ITK: variants seen among roughly 807,000 people sequenced by gnomAD.
ITK encodes the protein IL2 inducible T cell kinase.
In ITK, 45 loss-of-function variants were observed where a neutral mutation model predicts 87.6. The ratio of observed to expected loss-of-function variants is 0.51; its 90% CI spans 0.40 to 0.66. The LOEUF (loss-of-function observed/expected upper bound fraction) is 0.66. ITK is among the 30% of genes least tolerant of loss of function. The pLI is 0.00. For synonymous variants in ITK, 303 were observed against 273.6 expected (o/e 1.11, Z -1.06); for missense variants, 605 against 766.3 (o/e 0.79, Z 2.48).
intron 2 of ITK, among the ~76,000 whole-genome samples, chr5:157,210,048 A>C (rs998143961): frequency 6.6e-6 from 1 of 151,554 alleles, no homozygotes; most frequent in Non-Finnish European, 1.5e-5. Flanking sequence ...GCCTCAGCCT[A>C]CTGAATAGCT....
intron 3 of ITK, among the ~76,000 whole-genome samples, chr5:157,212,079 C>T (rs1450743787): frequency 2.0e-5 from 3 of 152,170 alleles, no homozygotes; most frequent in South Asian, 4.1e-4. Context: ...AGGTGAAAAT[C>T]CCAGCTCTGC....
chr5:157,187,849 G>A (rs773790368), intron 1 of ITK, among the ~76,000 whole-genome samples: 4 of 151,778 alleles, frequency 2.6e-5, no homozygotes, highest in Non-Finnish European at 4.4e-5. Context: ...GCCCAGGCTG[G>A]GGTACAGTGG....
At chr5:157,242,407 C>T (rs774098998) in intron 11 of ITK, among the ~76,000 whole-genome samples, 3 of 152,146 alleles carry the variant, frequency 2.0e-5, no homozygotes, top group Admixed American at 6.5e-5. Flanking sequence ...TTCTAGAATG[C>T]TTATTAAAAA....
At chr5:157,222,750 TAAAGAA>T in intron 5 of ITK, 107 bp from the exon 6 acceptor site, 1 of 1,003,456 alleles carries the variant, frequency 1.0e-6, no homozygotes, top group Non-Finnish European at 1.6e-6. Flanking sequence ...CTCTAACTCA[TAAAGAA>T]AGTCTACCAG....
At chr5:157,239,518 T>TC (rs2113771878) in intron 9 of ITK, among the ~76,000 whole-genome samples, 1 of 14,268 alleles carries the variant, frequency 7.0e-5, no homozygotes, top group African/African-American at 1.6e-4. Context: ...ATAAAACACA[T>TC]GTTTCTAGCA....
At chr5:157,223,968 G>A (rs1754480144) in intron 6 of ITK, among the ~76,000 whole-genome samples, 1 of 152,098 alleles carries the variant, frequency 6.6e-6, no homozygotes, top group Admixed American at 6.5e-5. Context: ...CCCTCCATTT[G>A]CCCCCACATC....
At position 157,181,111 on chromosome 5, in the gene ITK, A is replaced by T. The variant is rs1753504528; in HGVS notation, c.134A>T (p.His45Leu). The T allele has an allele frequency of 1.9e-6, 3 of 1,614,036 alleles. No individual in the cohort carries two copies. The highest frequency in any genetic ancestry group is 2.5e-6 in the Non-Finnish European group (3 of 1,179,872). Residue 45 changes from histidine to leucine, a missense_variant, in exon 1 of 17, where the codon CAT becomes CTT. His to Leu is a moderately conservative substitution (Grantham distance 99). Coordinates refer to ENST00000422843, the MANE Select transcript of ITK (RefSeq NM_005546.4). ...AGCCTGGCATACTTTGAAGATCGTC[A>T]TGGGGTATGTGAGCAGTTTCATTTG... The part of the protein sequence containing the change: ...KASLAYFEDR[H>L]GKKRTLKGSI...
intron 16 of ITK, among the ~76,000 whole-genome samples, chr5:157,251,012 A>G (rs1755130328): frequency 6.6e-6 from 1 of 152,216 alleles, no homozygotes; most frequent in Non-Finnish European, 1.5e-5. Flanking sequence ...AGATTTTTGT[A>G]TATAAATTTT....
At chr5:157,226,705 A>G (rs1274768370) in intron 6 of ITK, among the ~76,000 whole-genome samples, 1 of 152,214 alleles carries the variant, frequency 6.6e-6, no homozygotes, top group African/African-American at 2.4e-5. Flanking sequence ...CATAAACATA[A>G]TCACTAGATT....
chr5:157,205,235 C>T (rs369651084), intron 1 of ITK, among the ~76,000 whole-genome samples: 136 of 152,264 alleles, frequency 8.9e-4, no homozygotes, highest in African/African-American at 3.1e-3. Context: ...AACCAGGGTT[C>T]TGGGAAGTTT....
At chr5:157,232,733 A>G (rs1037804322) in intron 8 of ITK, among the ~76,000 whole-genome samples, 2 of 152,218 alleles carry the variant, frequency 1.3e-5, no homozygotes, top group African/African-American at 4.8e-5. Flanking sequence ...GTCTGGTGAA[A>G]ATATTCTGGG....
intron 3 of ITK, chr5:157,213,603 A>G: frequency 2.2e-6 from 1 of 452,668 alleles, no homozygotes. Context: ...GCTAATCTAG[A>G]ACTCCTGGAC....
intron 1 of ITK, among the ~76,000 whole-genome samples, chr5:157,185,476 A>G (rs1753623128): frequency 6.6e-6 from 1 of 151,942 alleles, no homozygotes; most frequent in East Asian, 1.9e-4. Flanking sequence ...TCCTGACCTC[A>G]TGGTCTGCCC....
intron 6 of ITK, among the ~76,000 whole-genome samples, chr5:157,223,242 A>T (rs1404295541): frequency 6.6e-6 from 1 of 152,062 alleles, no homozygotes; most frequent in Non-Finnish European, 1.5e-5. Context: ...CCTGCACCCC[A>T]TCTCAGGCAC....
intron 4 of ITK, among the ~76,000 whole-genome samples, chr5:157,217,157 G>A (rs931234477): frequency 2.0e-5 from 3 of 151,936 alleles, no homozygotes; most frequent in East Asian, 3.9e-4. Context: ...GAAATAGTGA[G>A]AGATGCATAT....
At chr5:157,182,883 T>C (rs2113733681) in intron 1 of ITK, among the ~76,000 whole-genome samples, 1 of 152,320 alleles carries the variant, frequency 6.6e-6, no homozygotes, top group Admixed American at 6.5e-5. Flanking sequence ...CAAAACCAGA[T>C]GGCCTTAATT....
At chr5:157,227,177 T>C (rs769998033) in intron 6 of ITK, among the ~76,000 whole-genome samples, 1 of 152,168 alleles carries the variant, frequency 6.6e-6, no homozygotes, top group Non-Finnish European at 1.5e-5. Context: ...AACTAGATTT[T>C]AAGTATAATA....
intron 1 of ITK, among the ~76,000 whole-genome samples, chr5:157,184,987 C>G (rs76585787): frequency 0.033 from 5,049 of 152,206 alleles, 273 homozygotes; most frequent in African/African-American, 0.11. Context: ...GTCTCCACTC[C>G]TCATGGCCTT....
chr5:157,223,133 A>G lies in ITK; in HGVS notation c.647+119A>G, dbSNP rs1754458465. 2.6e-5 allele frequency: 33 copies of G among 1,251,320 alleles called. No homozygotes were observed. The South Asian group carries it at 4.0e-4, about 15-fold the overall frequency. 77.5% of individuals were successfully genotyped at this position (1,251,320 alleles called of 1,614,324 possible). A position where few individuals can be genotyped will look rare whatever the true frequency, so the allele number is the denominator to read the frequency against. ...CCACAGCACTGAGGTGGGAGAAGAG[A>G]GCAGAGGCAGAAGGAAGAGGGAGGA... On this transcript the variant is annotated intron_variant, in intron 6 of 16. Transcript: ENST00000422843.
Sources: gnomAD v4.1 joint callset for allele counts (sites outside exome capture counted in the v4.1 genomes callset) on GRCh38, gnomAD v4.1.1 for gene constraint, MANE v1.5 for transcripts, NCBI Gene and HGNC (gene_info 2026-07-23, HGNC 2026-07-21) for gene names.